DSG1: variants seen among roughly 807,000 people sequenced by gnomAD.
The protein encoded by DSG1 is desmoglein-1.
DSG1 carries 39 observed loss-of-function variants against 97.5 expected under a neutral mutation model. The ratio of observed to expected loss-of-function variants is 0.40; its 90% confidence interval spans 0.31 to 0.52. The LOEUF (loss-of-function observed/expected upper bound fraction) is 0.52, where lower values mean the gene tolerates loss of function less well. Among genes scored for constraint, DSG1 ranks in the 20% least tolerant of loss-of-function variants. DSG1 has a pLI of 0.53. For synonymous variants in DSG1, 475 were observed against 443.4 expected, an observed-to-expected ratio of 1.07 and a Z score of -0.90; for missense variants, 1,311 against 1,295.4, an observed-to-expected ratio of 1.01 and a Z score of -0.18.
At position 31,345,990 on chromosome 18, in the gene DSG1, G is replaced by C; in HGVS notation, c.1892G>C (p.Gly631Ala). ...AATTTAATTTGATCAACACTTTTAG[G>C]AGTTTATACAAATGAGTATGGTGGC... ...ANIIECIDNSGVYTNEYGGRE... is the reference protein window; with the variant it reads ...ANIIECIDNSAVYTNEYGGRE... Residue 631 changes from glycine (G) to alanine (A), a missense_variant and splice_region_variant, in exon 14 of 15, where the codon GGA (glycine) becomes GCA (alanine). Transcript: ENST00000257192. The C allele has an allele frequency of 1.2e-6, 2 of 1,612,246 alleles. No individual in the cohort carries two copies. The highest frequency in any genetic ancestry group is 1.7e-6 in the Non-Finnish European group (2 of 1,178,556).
At chr18:31,336,298 T>C in intron 8 of DSG1, 56 bp from the exon 9 acceptor site, 1 of 1,518,658 alleles carries the variant, frequency 6.6e-7, no homozygotes, top group Non-Finnish European at 8.9e-7. Flanking sequence ...GGATTTTCTT[T>C]CACCTGGAAC....
At chr18:31,320,439 T>C (rs2071646611) in intron 1 of DSG1, among the ~76,000 whole-genome samples, 1 of 152,164 alleles carries the variant, frequency 6.6e-6, no homozygotes, top group Admixed American at 6.5e-5. Context: ...ACCTGAGAAC[T>C]GGGTAACTAT....
intron 6 of DSG1, among the ~76,000 whole-genome samples, chr18:31,332,545 G>T (rs2071727458): frequency 6.6e-6 from 1 of 151,862 alleles, no homozygotes; most frequent in Non-Finnish European, 1.5e-5. Context: ...TTATGATTTA[G>T]TTTTAAAATA....
At chr18:31,348,112 G>A (rs1337210959) in intron 14 of DSG1, among the ~76,000 whole-genome samples, 1 of 99,382 alleles carries the variant, frequency 1.0e-5, no homozygotes, top group Non-Finnish European at 2.0e-5. Flanking sequence ...ATGCTATCCC[G>A]CCCCCCTCCC....
rs2144106860 is a variant in DSG1, at chr18:31,343,478, T to C, written c.1716T>C (p.Asp572=). ...GLVPFLMICC[D]CGGAPRSAAG... is the part of the protein sequence containing the mutation. ...TCCCATTTTTGATGATCTGTTGTGA[T>C]TGTGGAGGTGCTCCTCGTAGTGCAG... Residue 572 remains aspartate (D), a synonymous_variant, in exon 12 of 15, where the codon GAT becomes GAC. Transcript: ENST00000257192. 2 of 1,614,210 alleles carry C rather than the reference T, an allele frequency of 1.2e-6. No homozygotes were observed. Among genetic ancestry groups the C allele is most frequent in the Non-Finnish European group, 1.7e-6 (2 of 1,180,034 alleles).
chr18:31,335,676 G>A (rs1159920783), intron 8 of DSG1, among the ~76,000 whole-genome samples: 1 of 151,648 alleles, frequency 6.6e-6, no homozygotes, highest in Non-Finnish European at 1.5e-5. Context: ...TTACTCTTGT[G>A]AAATTTTAGA....
At chr18:31,338,504 C>T in intron 10 of DSG1, 50 bp downstream of exon 10, 1 of 1,578,142 alleles carries the variant, frequency 6.3e-7, no homozygotes, top group South Asian at 1.1e-5. Context: ...GCTGTATATA[C>T]CTTAAGATAT....
intron 8 of DSG1, 152 bp from the exon 9 acceptor site, chr18:31,336,202 A>G (rs1176952519): frequency 3.0e-6 from 2 of 657,148 alleles, no homozygotes; most frequent in Non-Finnish European, 5.0e-6. Context: ...TCAATTAAAG[A>G]TTAAAAATTT....
chr18:31,354,403 G>T lies in DSG1; in HGVS notation c.2207G>T (p.Cys736Phe). 8.7e-6 allele frequency: 14 copies of T among 1,614,200 alleles called. No individual in the cohort carries two copies. Among genetic ancestry groups the T allele is most frequent in the Non-Finnish European group, 1.1e-5 (13 of 1,180,034 alleles). The change falls in exon 15 of 15, where the codon TGT (cysteine) becomes TTT (phenylalanine). Residue 736 changes from cysteine (C) to phenylalanine (F), a missense_variant. Coordinates refer to ENST00000257192, the MANE Select transcript of DSG1 (RefSeq NM_001942.4). ...VGSPAGSVGC[C>F]SFIGEDLDDS... is the part of the protein sequence containing the mutation. ...TCCCCTGCTGGCTCTGTGGGTTGTT[G>T]TAGCTTCATTGGAGAAGACCTGGAT...
intron 3 of DSG1, among the ~76,000 whole-genome samples, chr18:31,327,760 ATT>A (rs1417786970): frequency 6.6e-6 from 1 of 152,160 alleles, no homozygotes; most frequent in African/African-American, 2.4e-5. Context: ...AAAACTTTAC[ATT>A]TAAAACAAAT....
chr18:31,328,646 A>G (rs566552633), intron 4 of DSG1, among the ~76,000 whole-genome samples: 34 of 152,268 alleles, frequency 2.2e-4, no homozygotes, highest in Non-Finnish European at 4.4e-4. Flanking sequence ...AATTCAGTAA[A>G]GAATGTTACC....
Position 31,354,618 on chromosome 18 carries a change from G to A in DSG1, c.2422G>A (p.Val808Ile), listed in dbSNP as rs757502339. The change falls in exon 15 of 15, where the codon GTA (valine) becomes ATA (isoleucine). Residue 808 changes from valine to isoleucine, a missense_variant. By Grantham distance (29) the Val-to-Ile change is conservative (BLOSUM62 3). This residue lies in a region of DSG1 where 1,038 missense variants were observed against 964.6 expected (regional missense o/e 1.08). Coordinates refer to ENST00000257192, the MANE Select transcript of DSG1 (RefSeq NM_001942.4). ...PISPHFGTTT[V>I]ISESTYPSGP... The stretch of plus-strand genomic sequence containing the variant: ...CTCCCCACATTTCGGCACTACCACA[G>A]TAATTTCTGAGAGCACCTATCCCTC... 31 of 1,614,050 alleles carry A rather than the reference G, an allele frequency of 1.9e-5. No homozygotes were observed. Among genetic ancestry groups the A allele is most frequent in the Non-Finnish European group, 2.4e-5 (28 of 1,180,046 alleles).
chr18:31,336,578 T>A lies in DSG1; in HGVS notation c.1230T>A (p.Thr410=), dbSNP rs749051067. The change falls in exon 9 of 15, where the codon ACT becomes ACA. Residue 410 remains threonine, a synonymous_variant. Coordinates refer to ENST00000257192, the MANE Select transcript of DSG1 (RefSeq NM_001942.4). ...ATAAAGTGGGAGACTTTGTAGCTACTGACCTGGACACAGGTAGACCTTCAA... is the reference window on the plus strand; with the variant it reads ...ATAAAGTGGGAGACTTTGTAGCTACAGACCTGGACACAGGTAGACCTTCAA... ...SNDKVGDFVA[T]DLDTGRPSTT... The A allele has an allele frequency of 6.2e-7, 1 of 1,614,044 alleles. No homozygotes were observed. Among genetic ancestry groups the A allele is most frequent in the Non-Finnish European group, 8.5e-7 (1 of 1,179,922 alleles).
intron 14 of DSG1, among the ~76,000 whole-genome samples, chr18:31,351,922 C>T (rs1349739629): frequency 6.6e-6 from 1 of 151,118 alleles, no homozygotes; most frequent in Admixed American, 6.6e-5. Context: ...ACTCTTTATC[C>T]AATTTGCCAG....
intron 14 of DSG1, among the ~76,000 whole-genome samples, chr18:31,353,064 A>G (rs1449794345): frequency 7.5e-5 from 11 of 145,866 alleles, no homozygotes; most frequent in African/African-American, 2.6e-4. Context: ...TAGAGTTTCC[A>G]GTTTTTCTGT....
chr18:31,355,173 G>C lies in DSG1; in HGVS notation c.2977G>C (p.Gly993Arg). Residue 993 changes from glycine to arginine, a missense_variant, in exon 15 of 15, where the codon GGA becomes CGA. Around this residue, in one of 3 missense-constraint regions of DSG1, gnomAD observed 1,038 missense variants for 964.6 expected, o/e 1.08. Coordinates refer to ENST00000257192, the MANE Select transcript of DSG1 (RefSeq NM_001942.4). The stretch of plus-strand genomic sequence containing the variant: ...GGGTGCTGGGAGCGGTGCCCTGAGT[G>C]GAGCTGGCATAAGTGGTGGTGGCAT... ...SMGAGSGALS[G>R]AGISGGGIGL... 5.0e-6 allele frequency: 8 copies of C among 1,605,134 alleles called. No individual in the cohort carries two copies. Among genetic ancestry groups the C allele is most frequent in the Non-Finnish European group, 6.8e-6 (8 of 1,174,548 alleles).
Position 31,343,492 on chromosome 18 carries a change from C to T in DSG1, c.1730C>T (p.Pro577Leu), listed in dbSNP as rs149475935. 6 of 1,613,992 alleles carry T rather than the reference C, an allele frequency of 3.7e-6. No individual in the cohort carries two copies. The highest frequency in any genetic ancestry group is 3.3e-5 in the Admixed American group (2 of 59,994). Residue 577 changes from proline (P) to leucine (L), a missense_variant, in exon 12 of 15, where the codon CCT (proline) becomes CTT (leucine). By Grantham distance (98) the Pro-to-Leu change is moderately conservative (BLOSUM62 -3). Around this residue, in one of 3 missense-constraint regions of DSG1, gnomAD observed 1,038 missense variants for 964.6 expected, o/e 1.08. Transcript: ENST00000257192. Reference protein sequence around the residue: ...LMICCDCGGAPRSAAGFEPVP... With the variant: ...LMICCDCGGALRSAAGFEPVP... ...ATCTGTTGTGATTGTGGAGGTGCTC[C>T]TCGTAGTGCAGCTGGCTTTGAGCCT...
chr18:31,345,999 C>A lies in DSG1; in HGVS notation c.1901C>A (p.Thr634Lys). ...IECIDNSGVY[T>K]NEYGGREMQD... ...TGATCAACACTTTTAGGAGTTTATA[C>A]AAATGAGTATGGTGGCAGAGAAATG... The change falls in exon 14 of 15, where the codon ACA (threonine) becomes AAA (lysine). Residue 634 changes from threonine to lysine, a missense_variant. By Grantham distance (78) the Thr-to-Lys change is moderately conservative. Around this residue, in one of 3 missense-constraint regions of DSG1, gnomAD observed 1,038 missense variants for 964.6 expected, o/e 1.08. Transcript: ENST00000257192. 6.2e-7 allele frequency: 1 copy of A among 1,613,174 alleles called. No individual in the cohort carries two copies. The highest frequency in any genetic ancestry group is 8.5e-7 in the Non-Finnish European group (1 of 1,179,444).
At position 31,354,479 on chromosome 18, in the gene DSG1, C is replaced by A. The variant is rs1217353782; in HGVS notation, c.2283C>A (p.Ile761=). 1 of 1,614,176 alleles carries A rather than the reference C, an allele frequency of 6.2e-7. No homozygotes were observed. Among genetic ancestry groups the A allele is most frequent in the South Asian group, 1.1e-5 (1 of 91,080 alleles). ...LGPKFKKLAD[I]SLGKESYPDL... ...CTAAATTTAAGAAGTTGGCAGACAT[C>A]AGCCTAGGAAAAGAATCATATCCAG... The change falls in exon 15 of 15, where the codon ATC becomes ATA. Residue 761 remains isoleucine (I), a synonymous_variant. Coordinates refer to ENST00000257192, the MANE Select transcript of DSG1 (RefSeq NM_001942.4).
Sources: gnomAD v4.1 joint callset for allele counts (sites outside exome capture counted in the v4.1 genomes callset) on GRCh38, gnomAD v4.1.1 for gene constraint, gnomAD v4.1.1 regional missense constraint, MANE v1.5 for transcripts, NCBI Gene and HGNC (gene_info 2026-07-23, HGNC 2026-07-21) for gene names.